KCNH1: variants seen among roughly 807,000 people sequenced by gnomAD.
KCNH1 encodes the protein potassium voltage-gated channel subfamily H member 1.
Under a neutral mutation model 69.2 loss-of-function variants are expected in KCNH1, and 27 were observed. The observed-to-expected ratio is 0.39, with a 90% confidence interval of 0.29 to 0.54. KCNH1 has a LOEUF of 0.54. KCNH1 is among the 20% of genes least tolerant of loss of function. The pLI is 0.68. For synonymous variants in KCNH1, 456 were observed against 487.7 expected (o/e 0.93, Z 0.86); for missense variants, 798 against 1,261.6 (o/e 0.63, Z 5.57).
chr1:210,916,814 C>T (rs1232643278), intron 7 of KCNH1, among the ~76,000 whole-genome samples: 2 of 152,074 alleles, frequency 1.3e-5, no homozygotes, highest in Non-Finnish European at 2.9e-5. Context: ...TCCTTGGCTA[C>T]ATAATGCAGA....
intron 10 of KCNH1, among the ~76,000 whole-genome samples, chr1:210,717,432 T>A (rs1434637523): frequency 6.6e-6 from 1 of 152,216 alleles, no homozygotes; most frequent in East Asian, 1.9e-4. Context: ...ATGAGACAAG[T>A]CCTGCTCTAA....
Position 210,742,862 on chromosome 1 carries a change from C to T in KCNH1, c.2112+32486G>A, listed in dbSNP as rs544200873. The stretch of plus-strand genomic sequence containing the variant: ...GTGTGTCTGTGTGTGTGTGTGCGCG[C>T]GCGCGTGCACGTGCATGTGTGTGTG... On this transcript the variant is annotated intron_variant, in intron 10 of 10. Transcript: ENST00000271751. 4.9e-4 allele frequency among the ~76,000 whole-genome samples: 74 copies of T among 152,086 alleles called. 1 individual carries two copies. The South Asian group carries it at 0.011, about 23-fold the overall frequency.
chr1:210,994,409 C>T (rs1688987895), intron 6 of KCNH1, among the ~76,000 whole-genome samples: 2 of 152,060 alleles, frequency 1.3e-5, no homozygotes, highest in African/African-American at 4.8e-5. Flanking sequence ...CATAATTAAT[C>T]ATGTAAGAAG....
At chr1:210,928,737 T>C (rs1217140116) in intron 6 of KCNH1, among the ~76,000 whole-genome samples, 1 of 151,818 alleles carries the variant, frequency 6.6e-6, no homozygotes, top group African/African-American at 2.4e-5. Context: ...AGAAAAAAGA[T>C]GAAAAGAAAA....
intron 3 of KCNH1, among the ~76,000 whole-genome samples, chr1:211,095,238 T>TAAGC (rs765964751): frequency 6.6e-6 from 1 of 152,234 alleles, no homozygotes; most frequent in Non-Finnish European, 1.5e-5. Flanking sequence ...CTGAGAAAAG[T>TAAGC]AAGCATTTGA....
At chr1:211,051,192 T>C (rs192945894) in intron 5 of KCNH1, among the ~76,000 whole-genome samples, 1 of 152,232 alleles carries the variant, frequency 6.6e-6, no homozygotes, top group Non-Finnish European at 1.5e-5. Context: ...GCGATGGGAT[T>C]TCACCATGTT....
intron 7 of KCNH1, among the ~76,000 whole-genome samples, chr1:210,814,662 T>A (rs1471972971): frequency 3.3e-5 from 5 of 152,172 alleles, no homozygotes; most frequent in Non-Finnish European, 7.4e-5. Flanking sequence ...AAGATAATCC[T>A]CACTTCTTAG....
At position 210,806,822 on chromosome 1, in the gene KCNH1, A is replaced by ATAT. The variant is rs1553346543; in HGVS notation, c.1463-2657_1463-2656insATA. Among the ~76,000 whole-genome samples, 21 of 42,116 alleles carry ATAT rather than the reference A, an allele frequency of 5.0e-4. 2 individuals carry two copies. Among genetic ancestry groups the ATAT allele is most frequent in the South Asian group, 1.4e-3 (1 of 690 alleles). The allele number at this position is 42,116 out of a possible 152,430, so 27.6% of individuals were successfully genotyped here. ...CCATCTCTACCAAAAAAAAAAAAAA[A>ATAT]AAAAAAAAAAAAAAATATATATATA... On this transcript the variant is annotated intron_variant, in intron 7 of 10. Coordinates refer to ENST00000271751, the MANE Select transcript of KCNH1 (RefSeq NM_172362.3).
At chr1:210,843,471 A>G (rs1345601498) in intron 7 of KCNH1, among the ~76,000 whole-genome samples, 1 of 152,182 alleles carries the variant, frequency 6.6e-6, no homozygotes, top group Non-Finnish European at 1.5e-5. Flanking sequence ...TGATCTTTCT[A>G]TGCTGTAACA....
Position 210,829,562 on chromosome 1 carries a change from T to A in KCNH1, c.1463-25396A>T, listed in dbSNP as rs531937118. On this transcript the variant is annotated intron_variant, in intron 7 of 10. Transcript: ENST00000271751. Reference sequence around the variant, plus strand: ...ATTCCCTCTGACCTGTCCCCTGCTATCTCTCTAAGACCATCCTTCCACCCT... The same window carrying A: ...ATTCCCTCTGACCTGTCCCCTGCTAACTCTCTAAGACCATCCTTCCACCCT... Among the ~76,000 whole-genome samples the A allele has an allele frequency of 2.0e-5, 3 of 152,220 alleles. No homozygotes were observed. In the South Asian group the frequency reaches 6.2e-4, roughly 32 times the overall value.
At chr1:211,015,050 A>G (rs10494933) in intron 6 of KCNH1, among the ~76,000 whole-genome samples, 138,692 of 152,238 alleles carry the variant, frequency 0.91, 63,315 homozygotes, top group East Asian at 1. Context: ...TAATGGTGTC[A>G]TTTCACTAAA....
Position 211,107,381 on chromosome 1 carries a change from T to C in KCNH1, c.80-4A>G, listed in dbSNP as rs763012093. 1.3e-6 allele frequency: 2 copies of C among 1,497,876 alleles called. No individual in the cohort carries two copies. The highest frequency in any genetic ancestry group is 2.4e-5 in the South Asian group (2 of 83,032). The allele number at this position is 1,497,876 out of a possible 1,614,324, so 92.8% of individuals were successfully genotyped here. On this transcript the variant is annotated splice_region_variant and splice_polypyrimidine_tract_variant and intron_variant, in intron 1 of 10. Transcript: ENST00000271751. Reference sequence around the variant, plus strand: ...TTCCCCAACACAAAATTAGTATCTGTTAAAAAAAAAAAAAAGGGAAAAAAG... The same window carrying C: ...TTCCCCAACACAAAATTAGTATCTGCTAAAAAAAAAAAAAAGGGAAAAAAG...
At chr1:210,809,781 C>T (rs73069566) in intron 7 of KCNH1, among the ~76,000 whole-genome samples, 7,688 of 152,066 alleles carry the variant, frequency 0.051, 396 homozygotes, top group East Asian at 0.14. Context: ...GTCTTTCAAA[C>T]GGGCTGGTTT....
At chr1:210,846,061 T>G (rs1685539399) in intron 7 of KCNH1, among the ~76,000 whole-genome samples, 1 of 152,146 alleles carries the variant, frequency 6.6e-6, no homozygotes, top group Non-Finnish European at 1.5e-5. Context: ...TACAAACCAC[T>G]GCTCAATGAA....
At chr1:210,964,294 A>AGGAAG (rs1404522348) in intron 6 of KCNH1, among the ~76,000 whole-genome samples, 1 of 152,230 alleles carries the variant, frequency 6.6e-6, no homozygotes, top group African/African-American at 2.4e-5. Flanking sequence ...GAAGCACTAA[A>AGGAAG]CATGGAAAGG....
intron 7 of KCNH1, 108 bp from the exon 8 acceptor site, chr1:210,804,274 C>A: frequency 1.1e-6 from 1 of 890,888 alleles, no homozygotes; most frequent in Non-Finnish European, 1.8e-6. Context: ...CCAGAGCTGT[C>A]CCTCCCCAGT....
chr1:210,886,424 C>G (rs1236280118), intron 7 of KCNH1, among the ~76,000 whole-genome samples: 2 of 151,996 alleles, frequency 1.3e-5, no homozygotes, highest in Non-Finnish European at 1.5e-5. Context: ...ATAGAAAAAC[C>G]CACGAAGATG....
In KCNH1 at chr1:210,762,414, T is replaced by C. The variant is rs558111615; in HGVS notation, c.2112+12934A>G. 1.8e-4 allele frequency among the ~76,000 whole-genome samples: 27 copies of C among 151,786 alleles called. 1 individual carries two copies. The South Asian group carries it at 4.6e-3, about 26-fold the overall frequency. On this transcript the variant is annotated intron_variant, in intron 10 of 10. Coordinates refer to ENST00000271751, the MANE Select transcript of KCNH1 (RefSeq NM_172362.3). ...TAAATGAAACTGAGACCAAAAACCA[T>C]AGGGAGGATCAACAAAACAGAAGGT...
intron 7 of KCNH1, among the ~76,000 whole-genome samples, chr1:210,853,291 C>T (rs1685749762): frequency 6.6e-6 from 1 of 152,128 alleles, no homozygotes; most frequent in South Asian, 2.1e-4. Context: ...GCCCCTTGCC[C>T]ATGGTATAGA....
Sources: gnomAD v4.1 joint callset for allele counts (sites outside exome capture counted in the v4.1 genomes callset) on GRCh38, gnomAD v4.1.1 for gene constraint, MANE v1.5 for transcripts, NCBI Gene and HGNC (gene_info 2026-07-23, HGNC 2026-07-21) for gene names.